Variants in TNS1 observed in about 807,000 individuals in gnomAD.
TNS1 encodes tensin 1, also known as tensin-1.
Under a neutral mutation model 168.6 loss-of-function variants are expected in TNS1, and 62 were observed. That is an observed-to-expected ratio of 0.37 (90% confidence interval 0.30 to 0.45). The LOEUF is 0.45. Ranked by LOEUF, TNS1 falls within the 20% of genes least tolerant of loss-of-function variation. The pLI is 1.00. For synonymous variants in TNS1, 934 were observed against 933.2 expected (o/e 1.00, Z -0.02); for missense variants, 2,240 against 2,339.4 (o/e 0.96, Z 0.88).
chr2:217,881,098 GC>G, intron 17 of TNS1, 84 bp from the exon 18 acceptor site: 1 of 996,072 alleles, frequency 1.0e-6, no homozygotes, highest in Non-Finnish European at 1.6e-6. Context: ...AACAGAGAAA[GC>G]CCACAAGCTC....
At position 218,031,120 on chromosome 2, in the gene TNS1, G is replaced by GCT. The variant is rs554733253; in HGVS notation, c.156+2699_156+2700insAG. ...TGTCTGTGTGTATGAGTGTGTGTGA[G>GCT]CATGTCTGTGTGTGTGTGTGTATGT... On this transcript the variant is annotated intron_variant, in intron 1 of 1. Transcript: ENST00000649572. 1.9e-4 allele frequency among the ~76,000 whole-genome samples: 20 copies of GCT among 105,444 alleles called. No homozygotes were observed. The East Asian group carries it at 5.2e-3, about 28-fold the overall frequency. 69.2% of individuals were successfully genotyped at this position (105,444 alleles called of 152,430 possible).
chr2:217,997,214 A>G (rs955595295), intron 1 of TNS1, among the ~76,000 whole-genome samples: 1 of 152,174 alleles, frequency 6.6e-6, no homozygotes, highest in African/African-American at 2.4e-5. Flanking sequence ...AAGCTTCGGA[A>G]AAGATGAACA....
At chr2:217,866,934 C>T (rs1170458592) in intron 18 of TNS1, among the ~76,000 whole-genome samples, 5 of 152,238 alleles carry the variant, frequency 3.3e-5, no homozygotes, top group African/African-American at 4.8e-5. Context: ...CAGGGCAGGG[C>T]TCCTCAGGAC....
chr2:217,972,470 T>C (rs894770055), intron 3 of TNS1, among the ~76,000 whole-genome samples: 6 of 151,796 alleles, frequency 4.0e-5, no homozygotes. Flanking sequence ...AAGGTGGGGG[T>C]TAATTATGGG....
chr2:218,002,980 G>A lies in TNS1; in HGVS notation c.-108C>T, dbSNP rs987408232. ...GGCTCTCTGAGTCCGCGGCTGCTCC[G>A]GCTCCGCCAGCATCTGCTGGGCCTC... On this transcript the variant is annotated 5_prime_UTR_variant, in exon 1 of 33. Coordinates refer to ENST00000682258, the MANE Select transcript of TNS1 (RefSeq NM_001387777.1). 4.0e-5 allele frequency: 18 copies of A among 453,648 alleles called. No individual in the cohort carries two copies. The East Asian group carries it at 4.9e-4, about 12-fold the overall frequency. The allele number at this position is 453,648 out of a possible 1,614,324, so 28.1% of individuals were successfully genotyped here. A position where few individuals can be genotyped will look rare whatever the true frequency, so the allele number is the denominator to read the frequency against.
intron 9 of TNS1, 55 bp from the exon 10 acceptor site, chr2:217,893,616 G>A: frequency 1.3e-6 from 2 of 1,543,644 alleles, no homozygotes; most frequent in Non-Finnish European, 1.8e-6. Flanking sequence ...AGCCAAACAA[G>A]CCAGCGGGAG....
chr2:217,829,468 GT>G (rs1944092981), intron 22 of TNS1, among the ~76,000 whole-genome samples: 1 of 152,202 alleles, frequency 6.6e-6, no homozygotes, highest in Admixed American at 6.5e-5. Context: ...TGTGGAGCAC[GT>G]CCCGGGAAAG....
At chr2:217,971,391 T>C (rs960420427) in intron 3 of TNS1, among the ~76,000 whole-genome samples, 1 of 152,270 alleles carries the variant, frequency 6.6e-6, no homozygotes, top group East Asian at 1.9e-4. Context: ...ATCCACACTG[T>C]TGCGCATAGA....
At chr2:217,951,117 C>T (rs993389356) in intron 3 of TNS1, among the ~76,000 whole-genome samples, 2 of 152,210 alleles carry the variant, frequency 1.3e-5, no homozygotes, top group East Asian at 1.9e-4. Context: ...TCACAGAAAC[C>T]TGGCCCCATC....
intron 1 of TNS1, among the ~76,000 whole-genome samples, chr2:218,019,156 G>A (rs1559413250): frequency 6.6e-6 from 1 of 152,090 alleles, no homozygotes; most frequent in South Asian, 2.1e-4. Flanking sequence ...CATGTCTCCC[G>A]AGGGACAAGG....
rs1030029721 is a variant in TNS1, at chr2:217,830,502, G to C, written c.3373+953C>G. ...CCCACATGGCCACCAAGGGCCCAGG[G>C]AGCCCTGTCTCCCTCCACCATAAGA... On this transcript the variant is annotated intron_variant, in intron 22 of 32. Transcript: ENST00000682258. 14 of 1,284,268 alleles carry C rather than the reference G, an allele frequency of 1.1e-5. No individual in the cohort carries two copies. The African/African-American group carries it at 1.8e-4, about 16-fold the overall frequency. 79.6% of individuals were successfully genotyped at this position (1,284,268 alleles called of 1,614,324 possible). A position where few individuals can be genotyped will look rare whatever the true frequency, so the allele number is the denominator to read the frequency against.
rs190561954 is a variant in TNS1 at position 217,837,582 on chromosome 2, T to C, written c.3008-1371A>G. 1.7e-3 allele frequency among the ~76,000 whole-genome samples: 263 copies of C among 152,342 alleles called. 5 individuals are homozygous for C. Among genetic ancestry groups the C allele is most frequent in the African/African-American group, 6.1e-3 (255 of 41,582 alleles). The stretch of plus-strand genomic sequence containing the variant: ...GAGCAGCAGGACTGGCATTTGCACA[T>C]TAAATGCAGAAGGTACCGAGTGGTG... On this transcript the variant is annotated intron_variant, in intron 19 of 32. Coordinates refer to ENST00000682258, the MANE Select transcript of TNS1 (RefSeq NM_001387777.1).
chr2:217,948,718 G>A lies in TNS1; in HGVS notation c.187-28482C>T, dbSNP rs1038173010. On this transcript the variant is annotated intron_variant, in intron 3 of 32. Coordinates refer to ENST00000682258, the MANE Select transcript of TNS1 (RefSeq NM_001387777.1). The surrounding 1 kb of genome is among the most constrained non-coding windows in gnomAD (Gnocchi z 4.1). ...CCTTGCCCTTCCTTCCTAATGTCAG[G>A]TCTTCTTCTATGTCTCATCCTTAAA... Among the ~76,000 whole-genome samples the A allele has an allele frequency of 6.6e-6, 1 of 152,136 alleles. No homozygotes were observed. Among genetic ancestry groups the A allele is most frequent in the African/African-American group, 2.4e-5 (1 of 41,428 alleles).
chr2:218,010,508 C>A, upstream of TNS1: 1 of 242,712 alleles, frequency 4.1e-6, no homozygotes, highest in Non-Finnish European at 7.9e-6. Context: ...CCTCCCCTGG[C>A]TGCGTGACAG....
chr2:217,826,464 G>A (rs1943633973), intron 22 of TNS1, among the ~76,000 whole-genome samples: 1 of 151,990 alleles, frequency 6.6e-6, no homozygotes, highest in Non-Finnish European at 1.5e-5. Context: ...CTGGGACTCC[G>A]TTTCCTCATC....
rs527861236 is a variant in TNS1, at chr2:217,905,881, C to T, written c.321+454G>A. ...ACCCATCTCCCAGCCTCCTCCTGAACCAATAGCATCTAAGCCACACAGTGG... is the reference window on the plus strand; with the variant it reads ...ACCCATCTCCCAGCCTCCTCCTGAATCAATAGCATCTAAGCCACACAGTGG... On this transcript the variant is annotated intron_variant, in intron 6 of 32. Coordinates refer to ENST00000682258, the MANE Select transcript of TNS1 (RefSeq NM_001387777.1). Among the ~76,000 whole-genome samples, 6 of 152,304 alleles carry T rather than the reference C, an allele frequency of 3.9e-5. No homozygotes were observed. The East Asian group carries it at 1.2e-3, about 29-fold the overall frequency.
At chr2:217,842,645 T>A (rs1460633005) in intron 19 of TNS1, among the ~76,000 whole-genome samples, 1 of 152,146 alleles carries the variant, frequency 6.6e-6, no homozygotes, top group East Asian at 1.9e-4. Flanking sequence ...ATGATGTCAC[T>A]CTTGGGCCCA....
intron 1 of TNS1, 52 bp downstream of exon 1, chr2:218,002,788 G>T (rs1574476904): frequency 6.6e-6 from 3 of 456,428 alleles, no homozygotes; most frequent in South Asian, 4.6e-5. Flanking sequence ...GGCCGGTGGG[G>T]GGCGGGGGGT....
intron 16 of TNS1, 109 bp downstream of exon 16, chr2:217,884,926 G>A (rs992718868): frequency 3.7e-5 from 52 of 1,423,562 alleles, no homozygotes; most frequent in Non-Finnish European, 4.4e-5. Context: ...AGACTAGACA[G>A]ACCACATGGT....
Sources: gnomAD v4.1 joint callset for allele counts (sites outside exome capture counted in the v4.1 genomes callset) on GRCh38, gnomAD v4.1.1 for gene constraint, Gnocchi (gnomAD v3.1) non-coding constraint, MANE v1.5 for transcripts, NCBI Gene and HGNC (gene_info 2026-07-23, HGNC 2026-07-21) for gene names.